Variants in LRMDA observed in about 807,000 individuals in gnomAD.
The protein encoded by LRMDA is leucine-rich melanocyte differentiation-associated protein.
Under a neutral mutation model 29.8 loss-of-function variants are expected in LRMDA, and 18 were observed. The ratio of observed to expected loss-of-function variants is 0.60; its 90% CI spans 0.42 to 0.90. The LOEUF is 0.90. Ranked by LOEUF, LRMDA falls within the 40% of genes least tolerant of loss-of-function variation. LRMDA has a pLI of 0.00. For synonymous variants in LRMDA, 125 were observed against 109.4 expected, an observed-to-expected ratio of 1.14 and a Z score of -0.89; for missense variants, 273 against 273.9, an observed-to-expected ratio of 1.00 and a Z score of 0.02.
At chr10:76,172,473 G>A (rs183796339) in intron 5 of LRMDA, among the ~76,000 whole-genome samples, 1 of 152,330 alleles carries the variant, frequency 6.6e-6, no homozygotes, top group East Asian at 1.9e-4. Flanking sequence ...AGAATTAGGG[G>A]AGACCAAAGT....
intron 2 of LRMDA, among the ~76,000 whole-genome samples, chr10:75,568,930 C>T (rs1840404156): frequency 6.6e-6 from 1 of 152,196 alleles, no homozygotes; most frequent in South Asian, 2.1e-4. Flanking sequence ...CCACCACTGA[C>T]ACCACCTCTT....
chr10:76,494,625 T>C (rs1429952501), intron 6 of LRMDA, among the ~76,000 whole-genome samples: 1 of 151,796 alleles, frequency 6.6e-6, no homozygotes, highest in Non-Finnish European at 1.5e-5. Flanking sequence ...CTTTGTTCTT[T>C]ATTATTATTT....
chr10:76,411,051 A>ATC lies in LRMDA; in HGVS notation c.601+86567_601+86568insCT, dbSNP rs146078293. Among the ~76,000 whole-genome samples, 1,291 of 152,286 alleles carry ATC rather than the reference A, an allele frequency of 8.5e-3. 14 individuals carry two copies. Among genetic ancestry groups the ATC allele is most frequent in the African/African-American group, 0.028 (1,181 of 41,558 alleles). On this transcript the variant is annotated intron_variant, in intron 6 of 6. Transcript: ENST00000611255. ...GCAAGAGATGCAATTCATGCAAGAG[A>ATC]TGTTTGTCATTTACCTGTTGTTGTT... is the stretch of plus-strand genomic sequence containing the variant.
chr10:75,858,759 T>G (rs375596920), intron 2 of LRMDA, among the ~76,000 whole-genome samples: 1 of 152,244 alleles, frequency 6.6e-6, no homozygotes, highest in Non-Finnish European at 1.5e-5. Flanking sequence ...TGTCTTTTTA[T>G]GCATTGAAAA....
chr10:76,050,984 C>T (rs1183058552), intron 4 of LRMDA, among the ~76,000 whole-genome samples: 1 of 152,190 alleles, frequency 6.6e-6, no homozygotes, highest in Non-Finnish European at 1.5e-5. Flanking sequence ...TTGCTTTACT[C>T]CCTCCTCCCT....
chr10:75,827,098 C>T (rs897683200), intron 2 of LRMDA, among the ~76,000 whole-genome samples: 2 of 152,152 alleles, frequency 1.3e-5, no homozygotes, highest in African/African-American at 4.8e-5. Flanking sequence ...AATTACTTTT[C>T]ATGGAAAATA....
At chr10:76,543,668 G>T (rs1450917752) in intron 6 of LRMDA, among the ~76,000 whole-genome samples, 1 of 152,086 alleles carries the variant, frequency 6.6e-6, no homozygotes, top group African/African-American at 2.4e-5. Flanking sequence ...CCCTCTGGAA[G>T]AATGCAAGCT....
chr10:75,752,036 T>TAA (rs753417522), intron 2 of LRMDA, among the ~76,000 whole-genome samples: 89 of 149,440 alleles, frequency 6.0e-4, no homozygotes, highest in Middle Eastern at 3.6e-3. Context: ...AATAAATAAA[T>TAA]ATATATATAT....
chr10:75,742,376 T>A (rs1842840491), intron 2 of LRMDA, among the ~76,000 whole-genome samples: 2 of 152,010 alleles, frequency 1.3e-5, no homozygotes, highest in African/African-American at 4.8e-5. Context: ...TTCAACAAGA[T>A]GGAGAGAGAG....
At chr10:75,946,305 T>A (rs915725684) in intron 2 of LRMDA, among the ~76,000 whole-genome samples, 1 of 152,236 alleles carries the variant, frequency 6.6e-6, no homozygotes, top group African/African-American at 2.4e-5. Flanking sequence ...GTGAGCTATT[T>A]GATGTTCTCA....
intron 2 of LRMDA, among the ~76,000 whole-genome samples, chr10:75,687,582 T>C (rs1434053075): frequency 6.6e-6 from 1 of 152,196 alleles, no homozygotes; most frequent in African/African-American, 2.4e-5. Flanking sequence ...AAGTGCAAGG[T>C]GAAGCAGCAA....
At chr10:75,957,528 C>T (rs547713481) in intron 2 of LRMDA, among the ~76,000 whole-genome samples, 1 of 152,178 alleles carries the variant, frequency 6.6e-6, no homozygotes, top group African/African-American at 2.4e-5. Context: ...TTCATTGTCA[C>T]CAACGGGCCT....
intron 2 of LRMDA, among the ~76,000 whole-genome samples, chr10:75,782,238 A>G (rs1843394949): frequency 6.6e-6 from 1 of 152,232 alleles, no homozygotes; most frequent in African/African-American, 2.4e-5. Context: ...CATTTAAGAA[A>G]TAAAAACAAG....
At chr10:76,334,385 T>A (rs1288612602) in intron 6 of LRMDA, among the ~76,000 whole-genome samples, 1 of 152,146 alleles carries the variant, frequency 6.6e-6, no homozygotes, top group Non-Finnish European at 1.5e-5. Flanking sequence ...TAAACAAACA[T>A]CTGGAATCAT....
intron 2 of LRMDA, among the ~76,000 whole-genome samples, chr10:75,623,211 A>AT: frequency 6.6e-6 from 1 of 152,262 alleles, no homozygotes; most frequent in East Asian, 1.9e-4. Flanking sequence ...ATGCATTATT[A>AT]TTTTCAGTCC....
intron 5 of LRMDA, among the ~76,000 whole-genome samples, chr10:76,278,433 C>CAT (rs1256937785): frequency 2.0e-5 from 3 of 152,158 alleles, no homozygotes; most frequent in African/African-American, 7.2e-5. Context: ...GTGATATTAT[C>CAT]ATCACTCATG....
intron 5 of LRMDA, among the ~76,000 whole-genome samples, chr10:76,257,073 G>T (rs1052853537): frequency 6.6e-6 from 1 of 152,114 alleles, no homozygotes; most frequent in Non-Finnish European, 1.5e-5. Flanking sequence ...AAACCATGAA[G>T]TGTACTATTT....
chr10:75,937,699 A>T (rs1382831506), intron 2 of LRMDA, among the ~76,000 whole-genome samples: 2 of 152,332 alleles, frequency 1.3e-5, no homozygotes, highest in African/African-American at 4.8e-5. Flanking sequence ...ATGGTTTCTT[A>T]CGACTTCACT....
chr10:75,924,361 A>G (rs1172692523), intron 2 of LRMDA, among the ~76,000 whole-genome samples: 2 of 152,238 alleles, frequency 1.3e-5, no homozygotes, highest in African/African-American at 4.8e-5. Context: ...AATGTCTGAT[A>G]TCATATTCTC....
Sources: gnomAD v4.1 joint callset for allele counts (sites outside exome capture counted in the v4.1 genomes callset) on GRCh38, gnomAD v4.1.1 for gene constraint, MANE v1.5 for transcripts, NCBI Gene and HGNC (gene_info 2026-07-23, HGNC 2026-07-21) for gene names.